Variants in HACE1 observed in about 807,000 individuals in gnomAD.
HACE1 encodes the protein E3 ubiquitin-protein ligase HACE1.
Under a neutral mutation model 118.4 loss-of-function variants are expected in HACE1, and 73 were observed. That is an observed-to-expected ratio of 0.62 (90% CI 0.51 to 0.75). The LOEUF (loss-of-function observed/expected upper bound fraction) is 0.75. Among genes scored for constraint, HACE1 ranks in the 30% least tolerant of loss-of-function variants. The pLI is 0.00. For synonymous variants in HACE1, 368 were observed against 374.8 expected (o/e 0.98, Z 0.21); for missense variants, 749 against 1,102.2 (o/e 0.68, Z 4.54).
intron 19 of HACE1, among the ~76,000 whole-genome samples, chr6:104,762,479 C>A (rs1779470609): frequency 6.6e-6 from 1 of 152,072 alleles, no homozygotes; most frequent in Admixed American, 6.6e-5. Flanking sequence ...TGTTCTCACT[C>A]ACAAGTGAGA....
At chr6:104,856,349 A>T (rs1195235875) in intron 1 of HACE1, among the ~76,000 whole-genome samples, 1 of 152,132 alleles carries the variant, frequency 6.6e-6, no homozygotes, top group Non-Finnish European at 1.5e-5. Flanking sequence ...AATGGGCTCA[A>T]ATTTTATTAT....
At chr6:104,844,415 C>A (rs568135387) in intron 4 of HACE1, among the ~76,000 whole-genome samples, 24 of 150,424 alleles carry the variant, frequency 1.6e-4, no homozygotes, top group Admixed American at 2.7e-4. Flanking sequence ...GCGATCTCGG[C>A]TCACTGCAAC....
At chr6:104,764,076 C>G (rs767610402) in intron 19 of HACE1, among the ~76,000 whole-genome samples, 1 of 151,918 alleles carries the variant, frequency 6.6e-6, no homozygotes, top group African/African-American at 2.4e-5. Flanking sequence ...AAGTACTGCA[C>G]ACTTTTTATT....
intron 19 of HACE1, among the ~76,000 whole-genome samples, chr6:104,753,176 C>G (rs1263169233): frequency 6.6e-6 from 1 of 152,110 alleles, no homozygotes; most frequent in Non-Finnish European, 1.5e-5. Context: ...AGTAACATTT[C>G]AAGTGTTCAT....
At chr6:104,741,966 T>C (rs540714285) in intron 22 of HACE1, among the ~76,000 whole-genome samples, 4 of 151,650 alleles carry the variant, frequency 2.6e-5, no homozygotes, top group Admixed American at 6.6e-5. Flanking sequence ...AACAGAAATA[T>C]AGATCAATGG....
At chr6:104,776,019 T>C (rs1781200074) in intron 17 of HACE1, among the ~76,000 whole-genome samples, 1 of 152,236 alleles carries the variant, frequency 6.6e-6, no homozygotes. Flanking sequence ...TAGAGAGCTC[T>C]CAAATATGCC....
At chr6:104,804,928 A>G (rs1163888728) in intron 7 of HACE1, among the ~76,000 whole-genome samples, 1 of 152,238 alleles carries the variant, frequency 6.6e-6, no homozygotes, top group Non-Finnish European at 1.5e-5. Context: ...GGCAACCTAC[A>G]GAATGGGAGA....
At chr6:104,749,241 C>A (rs1777773643) in intron 20 of HACE1, among the ~76,000 whole-genome samples, 1 of 152,022 alleles carries the variant, frequency 6.6e-6, no homozygotes. Context: ...AATATAATAG[C>A]TCAAATAGTC....
intron 7 of HACE1, among the ~76,000 whole-genome samples, chr6:104,803,330 T>C (rs1371299316): frequency 2.0e-5 from 3 of 151,962 alleles, no homozygotes. Flanking sequence ...TTCCAATCAA[T>C]AGAAAAAGAG....
intron 19 of HACE1, among the ~76,000 whole-genome samples, chr6:104,751,150 C>T (rs769950029): frequency 1.3e-4 from 20 of 152,070 alleles, no homozygotes; most frequent in Admixed American, 8.5e-4. Flanking sequence ...CAAGCTTGTC[C>T]GGGCCCCAAT....
At position 104,745,843 on chromosome 6, in the gene HACE1, T is replaced by C. The variant is rs531817598; in HGVS notation, c.2344-1233A>G. ...ACCTGACCTTGTACCTTAAATAAGA[T>C]TGATATAAGGCAACATCTGAGAACT... On this transcript the variant is annotated intron_variant, in intron 20 of 23. Transcript: ENST00000262903. Among the ~76,000 whole-genome samples, 8 of 152,218 alleles carry C rather than the reference T, an allele frequency of 5.3e-5. No homozygotes were observed. In the East Asian group the frequency reaches 1.5e-3, roughly 29 times the overall value.
At chr6:104,731,976 T>G (rs1218014437) in intron 22 of HACE1, 1 of 151,764 alleles carries the variant, frequency 6.6e-6, no homozygotes, top group Non-Finnish European at 1.5e-5. Flanking sequence ...ATGCTCAACA[T>G]CACCATTTAC....
intron 14 of HACE1, among the ~76,000 whole-genome samples, chr6:104,781,309 T>C (rs1781718918): frequency 6.6e-6 from 1 of 152,172 alleles, no homozygotes. Context: ...TTCCGAGTCA[T>C]GTTAACATAA....
chr6:104,799,194 T>G (rs1019406655), intron 7 of HACE1, among the ~76,000 whole-genome samples: 3 of 152,210 alleles, frequency 2.0e-5, no homozygotes, highest in Non-Finnish European at 4.4e-5. Flanking sequence ...CATTGTTAAA[T>G]TAAGCAAACA....
intron 4 of HACE1, among the ~76,000 whole-genome samples, chr6:104,847,660 C>G (rs4946645): frequency 0.11 from 16,666 of 151,958 alleles, 958 homozygotes; most frequent in Admixed American, 0.15. Flanking sequence ...ATGTAATGGA[C>G]AATTTTTAGC....
At chr6:104,832,031 G>GAAGGA (rs1218677271) in intron 6 of HACE1, among the ~76,000 whole-genome samples, 7 of 142,340 alleles carry the variant, frequency 4.9e-5, no homozygotes, top group African/African-American at 7.7e-5. Flanking sequence ...AGGAAGGAAG[G>GAAGGA]AGAAAGAAAA....
At chr6:104,776,016 C>T (rs1781199131) in intron 17 of HACE1, among the ~76,000 whole-genome samples, 1 of 152,174 alleles carries the variant, frequency 6.6e-6, no homozygotes, top group African/African-American at 2.4e-5. Flanking sequence ...AGTTAGAGAG[C>T]TCTCAAATAT....
intron 19 of HACE1, among the ~76,000 whole-genome samples, chr6:104,768,489 T>C (rs1780245026): frequency 6.6e-6 from 1 of 152,174 alleles, no homozygotes. Flanking sequence ...AAATGTGATG[T>C]GTTTCTAAAG....
At chr6:104,732,355 T>C (rs1469372328) in intron 22 of HACE1, 1 of 152,198 alleles carries the variant, frequency 6.6e-6, no homozygotes, top group Admixed American at 6.5e-5. Flanking sequence ...AAGGGAGTAT[T>C]ATTTAGCCTT....
Sources: gnomAD v4.1 joint callset for allele counts (sites outside exome capture counted in the v4.1 genomes callset) on GRCh38, gnomAD v4.1.1 for gene constraint, MANE v1.5 for transcripts, NCBI Gene and HGNC (gene_info 2026-07-23, HGNC 2026-07-21) for gene names.